Variants in RBL1 observed in about 807,000 individuals in gnomAD.
The protein encoded by RBL1 is retinoblastoma-like protein 1.
Under a neutral mutation model 123.0 loss-of-function variants are expected in RBL1, and 82 were observed. The observed-to-expected ratio is 0.67, with a 90% CI of 0.56 to 0.80. RBL1 has a LOEUF of 0.80. RBL1 is among the 30% of genes least tolerant of loss of function. The pLI, the probability that RBL1 is intolerant of heterozygous loss-of-function variation, is 0.00. For synonymous variants in RBL1, 405 were observed against 441.3 expected (o/e 0.92, Z 1.03); for missense variants, 1,171 against 1,299.6 (o/e 0.90, Z 1.52).
intron 9 of RBL1, among the ~76,000 whole-genome samples, chr20:37,060,185 T>C (rs1333433431): frequency 6.6e-6 from 1 of 150,930 alleles, no homozygotes; most frequent in Non-Finnish European, 1.5e-5. Flanking sequence ...AATAAATAAA[T>C]AAATAAATAA....
intron 8 of RBL1, among the ~76,000 whole-genome samples, 194 bp from the exon 9 acceptor site, chr20:37,061,463 T>C (rs916384943): frequency 6.6e-5 from 10 of 152,218 alleles, no homozygotes; most frequent in African/African-American, 2.2e-4. Flanking sequence ...TTTCATTTAA[T>C]CTTCACACCA....
At chr20:37,061,060 A>G in intron 9 of RBL1, 43 bp downstream of exon 9, 1 of 1,478,100 alleles carries the variant, frequency 6.8e-7, no homozygotes. Context: ...CAAGAAATCT[A>G]ATTTTAAAAA....
intron 21 of RBL1, among the ~76,000 whole-genome samples, chr20:37,000,093 T>C: frequency 6.7e-6 from 1 of 149,996 alleles, no homozygotes; most frequent in East Asian, 2.0e-4. Flanking sequence ...GGGGAGCGCC[T>C]CTGCCCTGCT....
rs772331662 is a variant in RBL1 at position 37,020,663 on chromosome 20, C to T, written c.2627G>A (p.Ser876Asn). The T allele has an allele frequency of 6.3e-7, 1 of 1,577,404 alleles. No homozygotes were observed. Among genetic ancestry groups the T allele is most frequent in the Non-Finnish European group, 8.6e-7 (1 of 1,157,462 alleles). Residue 876 changes from serine to asparagine, a missense_variant, in exon 18 of 22, where the codon AGT (serine) becomes AAT (asparagine). Transcript: ENST00000373664. The part of the protein sequence containing the change: ...KSYRNQPQAN[S>N]HVYRSVLLKS... ...AGGAAAAATAATGTAACTCACGTGA[C>T]TATTAGCTTGGGGCTGATTCCTATA... is the stretch of plus-strand genomic sequence containing the variant.
At chr20:37,000,132 T>C (rs529790751) in intron 21 of RBL1, among the ~76,000 whole-genome samples, 37 of 150,088 alleles carry the variant, frequency 2.5e-4, no homozygotes, top group Admixed American at 2.4e-3. Flanking sequence ...GGAGCGTCTC[T>C]GCCCGGCCGC....
intron 7 of RBL1, among the ~76,000 whole-genome samples, chr20:37,064,776 A>G (rs2065152444): frequency 6.6e-6 from 1 of 151,780 alleles, no homozygotes; most frequent in Non-Finnish European, 1.5e-5. Context: ...CACCCAGATA[A>G]TTTTTGAATT....
intron 13 of RBL1, among the ~76,000 whole-genome samples, chr20:37,040,895 A>G (rs117907193): frequency 0.023 from 3,549 of 152,306 alleles, 74 homozygotes; most frequent in Non-Finnish European, 0.036. Flanking sequence ...AATTTGCCCA[A>G]GGTCACACAA....
At chr20:37,083,876 C>CT (rs1006275564) in intron 2 of RBL1, among the ~76,000 whole-genome samples, 15 of 148,912 alleles carry the variant, frequency 1.0e-4, no homozygotes, top group African/African-American at 2.7e-4. Context: ...ACTTAGTTTT[C>CT]TTTTTTTTCA....
chr20:37,007,435 G>C lies in RBL1; in HGVS notation c.2847C>G (p.Tyr949Ter). ...VGRVKSFALKYDLANQDHMMD... is the reference protein window; with the variant it reads ...VGRVKSFALK ...CCATATGGTCCTGATTCGCCAAGTC[G>C]TATTTCAGTGCAAATGACTTCACTC... Residue 949 changes from tyrosine (Y) to a stop codon, truncating the protein, a stop_gained, in exon 20 of 22, where the codon TAC becomes TAG. Coordinates refer to ENST00000373664, the MANE Select transcript of RBL1 (RefSeq NM_002895.5). LOFTEE classifies it high-confidence loss of function. The C allele has an allele frequency of 6.2e-7, 1 of 1,613,500 alleles. No homozygotes were observed. Among genetic ancestry groups the C allele is most frequent in the Non-Finnish European group, 8.5e-7 (1 of 1,179,740 alleles).
At chr20:37,079,203 C>CAA (rs760548490) in intron 2 of RBL1, among the ~76,000 whole-genome samples, 11,605 of 59,758 alleles carry the variant, frequency 0.19, 970 homozygotes, top group East Asian at 0.5. Context: ...CTGTCTCAGC[C>CAA]AAAAAAAAAA....
At chr20:37,001,937 A>C (rs1366911659) in intron 21 of RBL1, among the ~76,000 whole-genome samples, 5 of 151,266 alleles carry the variant, frequency 3.3e-5, no homozygotes, top group South Asian at 4.1e-4. Flanking sequence ...AAAAAAAAAA[A>C]AAAAACAAAC....
chr20:37,004,076 T>TC (rs2064031579), intron 20 of RBL1, among the ~76,000 whole-genome samples: 2 of 151,714 alleles, frequency 1.3e-5, no homozygotes, highest in Non-Finnish European at 2.9e-5. Context: ...GAATCTTTTT[T>TC]TTTTTTTGAG....
intron 11 of RBL1, chr20:37,049,202 AAAAAAC>A: frequency 3.4e-6 from 1 of 296,300 alleles, no homozygotes; most frequent in Non-Finnish European, 6.7e-6. Context: ...ACTCTGTCCC[AAAAAAC>A]AAAAAACAAA....
At chr20:37,032,033 CA>C (rs1231133666) in intron 16 of RBL1, among the ~76,000 whole-genome samples, 2 of 151,448 alleles carry the variant, frequency 1.3e-5, no homozygotes, top group Non-Finnish European at 2.9e-5. Context: ...CAGGCATGAG[CA>C]ACCACGCCTG....
chr20:37,006,207 GT>G (rs139754029), intron 20 of RBL1, among the ~76,000 whole-genome samples: 2 of 141,024 alleles, frequency 1.4e-5, no homozygotes, highest in African/African-American at 5.3e-5. Flanking sequence ...ACCTCCTTTT[GT>G]TTTTTTTTTG....
chr20:37,009,510 G>A (rs1339266429), intron 19 of RBL1, among the ~76,000 whole-genome samples: 1 of 151,996 alleles, frequency 6.6e-6, no homozygotes, highest in African/African-American at 2.4e-5. Flanking sequence ...GGTGCACGCT[G>A]CCACACCGAG....
chr20:37,057,218 G>A (rs1159305038), intron 9 of RBL1, among the ~76,000 whole-genome samples: 1 of 152,154 alleles, frequency 6.6e-6, no homozygotes, highest in East Asian at 1.9e-4. Flanking sequence ...TGTATACCCA[G>A]AAGTGGTATT....
rs948287695 is a variant in RBL1, at chr20:37,035,292, G to A, written c.2120C>T (p.Thr707Ile). 6.2e-7 allele frequency: 1 copy of A among 1,613,888 alleles called. No homozygotes were observed. Among genetic ancestry groups the A allele is most frequent in the Non-Finnish European group, 8.5e-7 (1 of 1,179,780 alleles). The change falls in exon 15 of 22, where the codon ACA becomes ATA. Residue 707 changes from threonine (T) to isoleucine (I), a missense_variant. By Grantham distance (89) the Thr-to-Ile change is moderately conservative. Coordinates refer to ENST00000373664, the MANE Select transcript of RBL1 (RefSeq NM_002895.5). Reference protein sequence around the residue: ...LPGQTLLTMATAPVTGTTGHK... With the variant: ...LPGQTLLTMAIAPVTGTTGHK... ...TCCTGTTGTTCCTGTTACTGGGGCT[G>A]TGGCCATTGTTAGAAGAGTTTGACC...
chr20:37,047,425 A>G (rs2064833655), intron 11 of RBL1, among the ~76,000 whole-genome samples: 1 of 152,180 alleles, frequency 6.6e-6, no homozygotes, highest in East Asian at 1.9e-4. Context: ...TTGAAATCTG[A>G]ACAAATAATA....
Sources: gnomAD v4.1 joint callset for allele counts (sites outside exome capture counted in the v4.1 genomes callset) on GRCh38, gnomAD v4.1.1 for gene constraint, MANE v1.5 for transcripts, NCBI Gene and HGNC (gene_info 2026-07-23, HGNC 2026-07-21) for gene names.